The following CD200 variants were observed in gnomAD, a reference collection of about 807,000 sequenced individuals.
CD200 encodes OX-2 membrane glycoprotein.
CD200 carries 15 observed loss-of-function variants against 30.9 expected under a neutral mutation model. The observed-to-expected ratio is 0.49, with a 90% CI of 0.32 to 0.75. CD200 has a LOEUF of 0.75. Ranked by LOEUF, CD200 falls within the 30% of genes least tolerant of loss-of-function variation. CD200 has a pLI of 0.03. For missense variants in CD200, 262 were observed against 324.2 expected, an observed-to-expected ratio of 0.81 and a Z score of 1.47; for synonymous variants, 134 against 126.2, an observed-to-expected ratio of 1.06 and a Z score of -0.41.
At chr3:112,349,614 G>T (rs978584157) in intron 4 of CD200, 98 bp from the exon 5 acceptor site, 33 of 825,292 alleles carry the variant, frequency 4.0e-5, no homozygotes, top group Middle Eastern at 4.7e-4. Context: ...ACATATGTAT[G>T]TATTTAAGGA....
chr3:112,358,516 T>A (rs1190200579), intron 5 of CD200, among the ~76,000 whole-genome samples: 3 of 152,236 alleles, frequency 2.0e-5, no homozygotes, highest in African/African-American at 7.2e-5. Flanking sequence ...GAAGAGAAAC[T>A]GTTTTGCTTA....
At chr3:112,335,659 C>A (rs1010227921) in intron 1 of CD200, among the ~76,000 whole-genome samples, 5 of 151,968 alleles carry the variant, frequency 3.3e-5, no homozygotes, top group African/African-American at 1.2e-4. Context: ...GGCCACAGGG[C>A]GGCGAGACAT....
intron 4 of CD200, among the ~76,000 whole-genome samples, chr3:112,349,322 T>A (rs1443064809): frequency 2.0e-5 from 3 of 152,246 alleles, no homozygotes; most frequent in Non-Finnish European, 4.4e-5. Context: ...TAAACATGTA[T>A]TCTTTTAATA....
chr3:112,360,241 T>C (rs9867245), intron 5 of CD200, among the ~76,000 whole-genome samples: 36,365 of 151,820 alleles, frequency 0.24, 5,111 homozygotes, highest in East Asian at 0.54. Flanking sequence ...GGCAGGAGAA[T>C]CACTTGAACC....
intron 1 of CD200, among the ~76,000 whole-genome samples, chr3:112,336,392 C>T (rs2081118267): frequency 6.6e-6 from 1 of 151,862 alleles, no homozygotes; most frequent in Admixed American, 6.6e-5. Flanking sequence ...CATCACAAGA[C>T]AATAAAAATC....
chr3:112,335,458 A>G (rs2081091578), intron 1 of CD200, among the ~76,000 whole-genome samples: 1 of 152,232 alleles, frequency 6.6e-6, no homozygotes, highest in Admixed American at 6.5e-5. Context: ...TCCTAATGGC[A>G]CCTTCAGATG....
Position 112,341,031 on chromosome 3 carries a change from T to G in CD200, c.94+48T>G, listed in dbSNP as rs955094000. ...CTTGGAGCCCAGCAAACACAATTTC[T>G]GGGGTGAAGACATTTAGCCAGTATT... On this transcript the variant is annotated intron_variant, in intron 2 of 5. Transcript: ENST00000315711. 8 of 1,197,774 alleles carry G rather than the reference T, an allele frequency of 6.7e-6. No individual in the cohort carries two copies. In the East Asian group the frequency reaches 1.9e-4, roughly 28 times the overall value. 74.2% of individuals were successfully genotyped at this position (1,197,774 alleles called of 1,614,324 possible). A position where few individuals can be genotyped will look rare whatever the true frequency, so the allele number is the denominator to read the frequency against.
rs1457617457 is a variant in CD200, at chr3:112,361,558, A to G, written c.*8A>G. 1.2e-6 allele frequency: 2 copies of G among 1,608,978 alleles called. No homozygotes were observed. The highest frequency in any genetic ancestry group is 2.7e-5 in the African/African-American group (2 of 74,792). On this transcript the variant is annotated 3_prime_UTR_variant, in exon 6 of 6. Transcript: ENST00000315711. ...TTTTATCCAGAGCCCTAAATAAGTC[A>G]CACAGCACCCTGAAAGTGATTCCCT...
chr3:112,333,615 C>G (rs2081047929), intron 1 of CD200: 1 of 985,260 alleles, frequency 1.0e-6, no homozygotes, highest in Non-Finnish European at 1.2e-6. Context: ...TAAACTGCCC[C>G]CAAAAGGGAA....
upstream of CD200, chr3:112,333,054 G>A (rs538376404): frequency 2.8e-5 from 29 of 1,036,480 alleles, no homozygotes; most frequent in Non-Finnish European, 4.2e-5. Context: ...CTCCGCTCCT[G>A]TGAGGGCGTG....
chr3:112,347,718 T>A lies in CD200; in HGVS notation c.582T>A (p.Ser194=). 2 of 1,613,996 alleles carry A rather than the reference T, an allele frequency of 1.2e-6. No individual in the cohort carries two copies. The highest frequency in any genetic ancestry group is 2.2e-5 in the South Asian group (2 of 91,080). ...VTLSHPNGTT[S]VTSILHIKDP... ...TGTCTCACCCAAATGGGACCACGTCTGTTACCAGCATCCTCCATATCAAAG... is the reference window on the plus strand; with the variant it reads ...TGTCTCACCCAAATGGGACCACGTCAGTTACCAGCATCCTCCATATCAAAG... Residue 194 remains serine (S), a synonymous_variant, in exon 4 of 6, where the codon TCT becomes TCA. Coordinates refer to ENST00000315711, the MANE Select transcript of CD200 (RefSeq NM_005944.7).
chr3:112,358,234 C>T (rs1246894587), intron 5 of CD200, among the ~76,000 whole-genome samples: 3 of 152,186 alleles, frequency 2.0e-5, no homozygotes, highest in African/African-American at 7.2e-5. Flanking sequence ...TGTGCTAACT[C>T]CCACACAGTG....
Position 112,349,719 on chromosome 3 carries a change from G to T in CD200, c.702G>T (p.Trp234Cys). ...DFKQTVNKGY[W>C]FSVPLLLSIV... Reference sequence around the variant, plus strand: ...TTTCTTCAATATCTATAGGCTATTGGTTTTCAGTTCCGCTATTGCTAAGCA... The same window carrying T: ...TTTCTTCAATATCTATAGGCTATTGTTTTTCAGTTCCGCTATTGCTAAGCA... Residue 234 changes from tryptophan (W) to cysteine (C), a missense_variant, in exon 5 of 6, where the codon TGG becomes TGT. Physicochemically the swap from Trp to Cys is radical, Grantham distance 215 (BLOSUM62 -2). Coordinates refer to ENST00000315711, the MANE Select transcript of CD200 (RefSeq NM_005944.7). The T allele has an allele frequency of 6.2e-7, 1 of 1,610,778 alleles. No homozygotes were observed. The highest frequency in any genetic ancestry group is 8.5e-7 in the Non-Finnish European group (1 of 1,178,462).
At chr3:112,336,639 A>C (rs2081123631) in intron 1 of CD200, among the ~76,000 whole-genome samples, 2 of 151,978 alleles carry the variant, frequency 1.3e-5, no homozygotes, top group South Asian at 2.1e-4. Context: ...AATAAGCTTC[A>C]AATTATAGTA....
intron 3 of CD200, among the ~76,000 whole-genome samples, chr3:112,346,798 T>C (rs574112965): frequency 6.6e-6 from 1 of 152,298 alleles, no homozygotes; most frequent in East Asian, 1.9e-4. Context: ...AAAAATTCTA[T>C]ATTCCAACAA....
At chr3:112,359,248 A>T (rs186565197) in intron 5 of CD200, among the ~76,000 whole-genome samples, 16 of 149,848 alleles carry the variant, frequency 1.1e-4, no homozygotes, top group Non-Finnish European at 1.5e-4. Context: ...AGCTTTTTTT[A>T]AAAAAAACAG....
At chr3:112,341,661 A>T (rs2081241886) in intron 2 of CD200, among the ~76,000 whole-genome samples, 1 of 152,208 alleles carries the variant, frequency 6.6e-6, no homozygotes, top group East Asian at 1.9e-4. Context: ...GGACTTATCA[A>T]CTGACCAGAG....
chr3:112,336,658 TG>T lies in CD200; in HGVS notation c.12+3438del, dbSNP rs1310478872. On this transcript the variant is annotated intron_variant, in intron 1 of 5. Transcript: ENST00000315711. Reference sequence around the variant, plus strand: ...AGCTTCAAATTATAGTAGCAACAGATGGGGCTAAACAGGAGCCGATAAGAAC... The same window carrying T: ...AGCTTCAAATTATAGTAGCAACAGATGGGCTAAACAGGAGCCGATAAGAAC... Among the ~76,000 whole-genome samples, 11 of 138,754 alleles carry T rather than the reference TG, an allele frequency of 7.9e-5. No homozygotes were observed. The Admixed American group carries it at 8.2e-4, about 10-fold the overall frequency. 91.0% of individuals were successfully genotyped at this position (138,754 alleles called of 152,430 possible).
chr3:112,341,001 C>T lies in CD200; in HGVS notation c.94+18C>T. The T allele has an allele frequency of 6.5e-7, 1 of 1,545,826 alleles. No homozygotes were observed. Among genetic ancestry groups the T allele is most frequent in the Non-Finnish European group, 8.9e-7 (1 of 1,118,564 alleles). ...AGCACAAGGTAAAGAAACTCAATTC[C>T]CCTGCTTGGAGCCCAGCAAACACAA... On this transcript the variant is annotated intron_variant, in intron 2 of 5. Transcript: ENST00000315711.
Sources: gnomAD v4.1 joint callset for allele counts (sites outside exome capture counted in the v4.1 genomes callset) on GRCh38, gnomAD v4.1.1 for gene constraint, MANE v1.5 for transcripts, NCBI Gene and HGNC (gene_info 2026-07-23, HGNC 2026-07-21) for gene names.